Variants in MVB12B observed in about 807,000 individuals in gnomAD.
MVB12B encodes the protein ESCRT-I complex subunit MVB12B.
A neutral mutation model predicts 41.6 loss-of-function variants in MVB12B; 16 were observed. The observed-to-expected ratio is 0.38, with a 90% CI of 0.26 to 0.58. The LOEUF (loss-of-function observed/expected upper bound fraction) is 0.58, where lower values mean the gene tolerates loss of function less well. Ranked by LOEUF, MVB12B falls within the 20% of genes least tolerant of loss-of-function variation. MVB12B has a pLI of 0.62. For synonymous variants in MVB12B, 133 were observed against 139.7 expected, an observed-to-expected ratio of 0.95 and a Z score of 0.34; for missense variants, 274 against 380.2, an observed-to-expected ratio of 0.72 and a Z score of 2.32.
At chr9:126,328,903 C>T (rs1207717616) in intron 1 of MVB12B, among the ~76,000 whole-genome samples, 1 of 152,090 alleles carries the variant, frequency 6.6e-6, no homozygotes, top group Admixed American at 6.5e-5. Context: ...CCACCTCAGC[C>T]TCCCAAGTAT....
intron 2 of MVB12B, among the ~76,000 whole-genome samples, chr9:126,372,134 A>G (rs1282856491): frequency 6.6e-6 from 1 of 152,216 alleles, no homozygotes; most frequent in Non-Finnish European, 1.5e-5. Context: ...AAATAATGTA[A>G]TATGTGGTCT....
At chr9:126,446,791 G>T (rs1832778671) in intron 7 of MVB12B, among the ~76,000 whole-genome samples, 1 of 151,466 alleles carries the variant, frequency 6.6e-6, no homozygotes, top group Non-Finnish European at 1.5e-5. Flanking sequence ...ATATCCTGAT[G>T]TTATTTTTCT....
chr9:126,477,553 A>G (rs900977919), intron 7 of MVB12B, among the ~76,000 whole-genome samples: 1 of 152,192 alleles, frequency 6.6e-6, no homozygotes, highest in Non-Finnish European at 1.5e-5. Flanking sequence ...GAGCAAAGGC[A>G]TGCCTTACAT....
At chr9:126,445,945 A>C (rs1445594702) in intron 7 of MVB12B, among the ~76,000 whole-genome samples, 1 of 152,194 alleles carries the variant, frequency 6.6e-6, no homozygotes. Flanking sequence ...TAACATTTAT[A>C]CACCATTGGT....
chr9:126,420,903 G>A (rs894980964), intron 6 of MVB12B, among the ~76,000 whole-genome samples: 8 of 152,172 alleles, frequency 5.3e-5, no homozygotes, highest in Admixed American at 1.3e-4. Context: ...TGTGAAAAAG[G>A]CACCTAGTAA....
Position 126,352,585 on chromosome 9 carries a change from G to T in MVB12B, c.204+11955G>T, listed in dbSNP as rs117717370. On this transcript the variant is annotated intron_variant, in intron 2 of 9. Transcript: ENST00000361171. ...AAGTCTGGGATATATGAGGCAGAAA[G>T]AAAACCACAGAACTCACCACCATGT... is the stretch of plus-strand genomic sequence containing the variant. Among the ~76,000 whole-genome samples, 792 of 152,348 alleles carry T rather than the reference G, an allele frequency of 5.2e-3. 6 individuals are homozygous for T. The highest frequency in any genetic ancestry group is 8.5e-3 in the Non-Finnish European group (575 of 68,022).
intron 9 of MVB12B, among the ~76,000 whole-genome samples, chr9:126,500,079 C>T (rs908894703): frequency 6.6e-6 from 1 of 152,208 alleles, no homozygotes; most frequent in African/African-American, 2.4e-5. Flanking sequence ...AGGCCCGGGC[C>T]TAGGCTCTCT....
intron 7 of MVB12B, among the ~76,000 whole-genome samples, chr9:126,432,618 T>C (rs1452922687): frequency 6.6e-6 from 1 of 152,246 alleles, no homozygotes; most frequent in African/African-American, 2.4e-5. Flanking sequence ...TGCATTATGT[T>C]ATTTAATCCC....
intron 5 of MVB12B, among the ~76,000 whole-genome samples, chr9:126,394,794 A>G (rs1220057670): frequency 1.3e-5 from 2 of 152,164 alleles, no homozygotes; most frequent in African/African-American, 4.8e-5. Flanking sequence ...GTCATTTTCC[A>G]TTTTTTGAAG....
At chr9:126,375,435 T>C (rs1830455294) in intron 2 of MVB12B, among the ~76,000 whole-genome samples, 1 of 140,680 alleles carries the variant, frequency 7.1e-6, no homozygotes, top group African/African-American at 2.7e-5. Flanking sequence ...TCTAAGGCAG[T>C]TGTCACATGC....
rs563826671 is a variant in MVB12B at position 126,449,499 on chromosome 9, C to T, written c.757+27551C>T. ...CCCCCACAGCACCTCCTTGCTAAGG[C>T]TCATTTCCAGAGGAAGGCAGAGAGT... is the stretch of plus-strand genomic sequence containing the variant. On this transcript the variant is annotated intron_variant, in intron 7 of 9. Transcript: ENST00000361171. Among the ~76,000 whole-genome samples, 4 of 152,314 alleles carry T rather than the reference C, an allele frequency of 2.6e-5. No homozygotes were observed. In the East Asian group the frequency reaches 7.7e-4, roughly 29 times the overall value.
chr9:126,465,291 G>A (rs1367158495), intron 7 of MVB12B, among the ~76,000 whole-genome samples: 12 of 152,176 alleles, frequency 7.9e-5, no homozygotes, highest in Admixed American at 7.9e-4. Context: ...TTCTAGCCCA[G>A]GGCTTCTCAA....
chr9:126,371,029 C>T (rs1009072046), intron 2 of MVB12B, among the ~76,000 whole-genome samples: 1 of 152,192 alleles, frequency 6.6e-6, no homozygotes, highest in Non-Finnish European at 1.5e-5. Flanking sequence ...AGGTAGGGCT[C>T]AACTTAGTTT....
intron 7 of MVB12B, among the ~76,000 whole-genome samples, chr9:126,422,974 G>C (rs866139871): frequency 5.3e-5 from 8 of 152,200 alleles, no homozygotes; most frequent in African/African-American, 1.9e-4. Context: ...CACTGCAGGA[G>C]CCAGGCTCTC....
chr9:126,481,275 A>C, intron 7 of MVB12B, 94 bp from the exon 8 acceptor site: 37 of 1,011,386 alleles, frequency 3.7e-5, no homozygotes, highest in Non-Finnish European at 4.8e-5. Context: ...CCAGTGACGG[A>C]TTCATATTCT....
intron 7 of MVB12B, among the ~76,000 whole-genome samples, chr9:126,445,802 T>G (rs1205923253): frequency 1.3e-5 from 2 of 151,936 alleles, no homozygotes; most frequent in South Asian, 2.1e-4. Context: ...GGCCCTGTTG[T>G]TTTTTTTAAT....
At chr9:126,418,270 G>T (rs1047339429) in intron 6 of MVB12B, among the ~76,000 whole-genome samples, 1 of 152,172 alleles carries the variant, frequency 6.6e-6, no homozygotes, top group African/African-American at 2.4e-5. Context: ...GGCCCCGAGG[G>T]ACAAGAAAGT....
At chr9:126,393,741 A>T (rs1831024141) in intron 5 of MVB12B, among the ~76,000 whole-genome samples, 1 of 152,216 alleles carries the variant, frequency 6.6e-6, no homozygotes, top group Non-Finnish European at 1.5e-5. Flanking sequence ...GGTGTGGCAG[A>T]TGGTTTACAG....
At position 126,453,648 on chromosome 9, in the gene MVB12B, T is replaced by C. The variant is rs191279115; in HGVS notation, c.758-27721T>C. 1.2e-4 allele frequency among the ~76,000 whole-genome samples: 19 copies of C among 152,350 alleles called. No homozygotes were observed. In the East Asian group the frequency reaches 3.5e-3, roughly 28 times the overall value. ...TCTTCTCACTATGCCCCTTCTCACATGTGCATAACTCGTACATGGACACAA... is the reference window on the plus strand; with the variant it reads ...TCTTCTCACTATGCCCCTTCTCACACGTGCATAACTCGTACATGGACACAA... On this transcript the variant is annotated intron_variant, in intron 7 of 9. Coordinates refer to ENST00000361171, the MANE Select transcript of MVB12B (RefSeq NM_033446.3).
Sources: gnomAD v4.1 joint callset for allele counts (sites outside exome capture counted in the v4.1 genomes callset) on GRCh38, gnomAD v4.1.1 for gene constraint, MANE v1.5 for transcripts, NCBI Gene and HGNC (gene_info 2026-07-23, HGNC 2026-07-21) for gene names.